MOCOS: variants seen among roughly 807,000 people sequenced by gnomAD.
MOCOS encodes the protein human molybdenum cofactor sulfurase.
A neutral mutation model predicts 83.6 loss-of-function variants in MOCOS; 86 were observed. The ratio of observed to expected loss-of-function variants is 1.03; its 90% CI spans 0.86 to 1.23. The LOEUF (loss-of-function observed/expected upper bound fraction) is 1.23. MOCOS is among the 50% of genes most tolerant of loss of function. MOCOS has a pLI of 0.00. For synonymous variants in MOCOS, 445 were observed against 434.7 expected (o/e 1.02, Z -0.29); for missense variants, 1,120 against 1,126.9 (o/e 0.99, Z 0.09).
rs370090541 is a variant in MOCOS at position 36,203,221 on chromosome 18, G to T, written c.1018+32G>T. The T allele has an allele frequency of 7.5e-6, 12 of 1,597,632 alleles. No individual in the cohort carries two copies. The African/African-American group carries it at 1.3e-4, about 18-fold the overall frequency. On this transcript the variant is annotated intron_variant, in intron 5 of 14. Coordinates refer to ENST00000261326, the MANE Select transcript of MOCOS (RefSeq NM_017947.4). Reference sequence around the variant, plus strand: ...GGACATTTCTATCCCTGTGGAATTTGCTCCTGTTGTGTCCTTGAGGGAGCT... The same window carrying T: ...GGACATTTCTATCCCTGTGGAATTTTCTCCTGTTGTGTCCTTGAGGGAGCT...
intron 1 of MOCOS, among the ~76,000 whole-genome samples, chr18:36,191,921 A>T (rs1168723749): frequency 1.3e-5 from 2 of 152,344 alleles, no homozygotes; most frequent in South Asian, 2.1e-4. Flanking sequence ...TATTTCTTGA[A>T]TGCAAATACA....
chr18:36,219,929 C>CA (rs1475458455), intron 8 of MOCOS, 126 bp from the exon 9 acceptor site: 2 of 1,231,420 alleles, frequency 1.6e-6, no homozygotes, highest in Admixed American at 1.8e-5. Flanking sequence ...CTCTTCCTCC[C>CA]TTTCTTCCTT....
intron 9 of MOCOS, among the ~76,000 whole-genome samples, chr18:36,228,810 C>T (rs2091527413): frequency 6.8e-6 from 1 of 146,396 alleles, no homozygotes; most frequent in South Asian, 2.2e-4. Context: ...AATAAACCTG[C>T]ACTTGTACCA....
chr18:36,245,829 C>A (rs1026737720), intron 9 of MOCOS, among the ~76,000 whole-genome samples: 2 of 151,944 alleles, frequency 1.3e-5, no homozygotes, highest in East Asian at 1.9e-4. Flanking sequence ...TTTTAAAATT[C>A]TTTTTTATTT....
At chr18:36,243,826 C>T (rs1352130363) in intron 9 of MOCOS, among the ~76,000 whole-genome samples, 1 of 152,054 alleles carries the variant, frequency 6.6e-6, no homozygotes, top group East Asian at 1.9e-4. Context: ...GTTTCTATTT[C>T]TTCCTGGTTT....
intron 9 of MOCOS, among the ~76,000 whole-genome samples, chr18:36,222,084 G>T (rs2091498198): frequency 6.6e-6 from 1 of 152,112 alleles, no homozygotes; most frequent in Non-Finnish European, 1.5e-5. Context: ...TTTTAAGATT[G>T]AGTAGTATTC....
intron 5 of MOCOS, 64 bp downstream of exon 5, chr18:36,203,253 C>G: frequency 1.4e-6 from 2 of 1,445,088 alleles, no homozygotes; most frequent in Admixed American, 1.7e-5. Flanking sequence ...AGCTCTGGCA[C>G]AGGTGTGATT....
chr18:36,195,548 G>A (rs1208706665), intron 2 of MOCOS, among the ~76,000 whole-genome samples: 1 of 152,200 alleles, frequency 6.6e-6, no homozygotes, highest in Non-Finnish European at 1.5e-5. Context: ...CTGGCTCAGG[G>A]ACAGACACAC....
intron 9 of MOCOS, 103 bp from the exon 10 acceptor site, chr18:36,248,819 G>C: frequency 2.2e-6 from 2 of 907,516 alleles, no homozygotes; most frequent in Non-Finnish European, 3.6e-6. Flanking sequence ...TTTTATGTCA[G>C]TACCATGCTG....
At chr18:36,218,010 C>T (rs893081948) in intron 8 of MOCOS, among the ~76,000 whole-genome samples, 3 of 152,164 alleles carry the variant, frequency 2.0e-5, no homozygotes, top group Non-Finnish European at 2.9e-5. Context: ...AGAACATCAT[C>T]TCCATTAGTT....
At chr18:36,232,713 A>C (rs1158398846) in intron 9 of MOCOS, among the ~76,000 whole-genome samples, 1 of 152,130 alleles carries the variant, frequency 6.6e-6, no homozygotes, top group Non-Finnish European at 1.5e-5. Flanking sequence ...CAACTTAAAA[A>C]ATTCCCACAT....
intron 6 of MOCOS, among the ~76,000 whole-genome samples, chr18:36,210,061 TTG>T (rs963639873): frequency 1.9e-4 from 29 of 152,176 alleles, no homozygotes; most frequent in African/African-American, 6.8e-4. Context: ...TTGAGGATTT[TTG>T]TGTCTATGTT....
At chr18:36,223,801 TGTGA>T (rs976110567) in intron 9 of MOCOS, among the ~76,000 whole-genome samples, 1 of 152,232 alleles carries the variant, frequency 6.6e-6, no homozygotes, top group Non-Finnish European at 1.5e-5. Context: ...GTTTTCAGAA[TGTGA>T]GTATTTCACC....
Position 36,268,607 on chromosome 18 carries a change from G to T in MOCOS, c.2589G>T (p.Gln863His). The change falls in exon 15 of 15, where the codon CAG (glutamine) becomes CAT (histidine). Residue 863 changes from glutamine to histidine, a missense_variant. Gln to His is a conservative substitution (Grantham distance 24). Coordinates refer to ENST00000261326, the MANE Select transcript of MOCOS (RefSeq NM_017947.4). ...CATGTTTCCTGTCTGTAGGATCTCA[G>T]GTGCTCCCTGTGTTGAAAGAGAATG... ...SSPCFLSVGS[Q>H]VLPVLKENVE... The T allele has an allele frequency of 6.2e-7, 1 of 1,614,046 alleles. No homozygotes were observed. Among genetic ancestry groups the T allele is most frequent in the South Asian group, 1.1e-5 (1 of 91,068 alleles).
rs762016777 is a variant in MOCOS, at chr18:36,256,938, CTCT to C, written c.2165-25_2165-23del. On this transcript the variant is annotated intron_variant, in intron 11 of 14. Coordinates refer to ENST00000261326, the MANE Select transcript of MOCOS (RefSeq NM_017947.4). Reference sequence around the variant, plus strand: ...ATTCACTGGCATTCTGAGAAAGCAACTCTTCTTTTAAATGCTCCATCATTTTCA... The same window carrying C: ...ATTCACTGGCATTCTGAGAAAGCAACTCTTTTAAATGCTCCATCATTTTCA... 3.2e-6 allele frequency: 5 copies of C among 1,565,520 alleles called. No homozygotes were observed. The South Asian group carries it at 5.6e-5, about 17-fold the overall frequency.
chr18:36,200,140 C>A lies in MOCOS; in HGVS notation c.757C>A (p.His253Asn), dbSNP rs748011762. The change falls in exon 4 of 15, where the codon CAC becomes AAC. Residue 253 changes from histidine (H) to asparagine (N), a missense_variant. By Grantham distance (68) the His-to-Asn change is moderately conservative. Coordinates refer to ENST00000261326, the MANE Select transcript of MOCOS (RefSeq NM_017947.4). ...VSTSPLDLSAHQADFVPISFY... is the reference protein window; with the variant it reads ...VSTSPLDLSANQADFVPISFY... ...CACCTCGCCTTTGGACCTGTCAGCT[C>A]ACCAGGCCGACTTTGTCCCCATCTC... 1 of 1,614,222 alleles carries A rather than the reference C, an allele frequency of 6.2e-7. No homozygotes were observed. Among genetic ancestry groups the A allele is most frequent in the South Asian group, 1.1e-5 (1 of 91,086 alleles).
At chr18:36,246,981 G>C (rs2091604839) in intron 9 of MOCOS, among the ~76,000 whole-genome samples, 1 of 152,032 alleles carries the variant, frequency 6.6e-6, no homozygotes, top group African/African-American at 2.4e-5. Context: ...ATCAGGTGGG[G>C]GCAGGTTAGG....
At chr18:36,187,938 C>T (rs890132372) in intron 1 of MOCOS, among the ~76,000 whole-genome samples, 3 of 152,240 alleles carry the variant, frequency 2.0e-5, no homozygotes, top group African/African-American at 2.4e-5. Flanking sequence ...CTTTTCCCGC[C>T]CTCCGCGAGC....
chr18:36,248,713 G>A (rs1267306042), intron 9 of MOCOS, among the ~76,000 whole-genome samples: 1 of 152,118 alleles, frequency 6.6e-6, no homozygotes, highest in Admixed American at 6.5e-5. Context: ...TTGCTCCAAT[G>A]TTTGTTCTTG....
Sources: allele counts gnomAD v4.1 joint callset (sites outside exome capture counted in the v4.1 genomes callset), GRCh38; gene constraint gnomAD v4.1.1; transcripts MANE v1.5; gene names NCBI Gene and HGNC (gene_info 2026-07-23, HGNC 2026-07-21).